The following LRMDA variants were observed in gnomAD, a reference collection of about 807,000 sequenced individuals.
LRMDA encodes the protein leucine rich melanocyte differentiation associated.
Under a neutral mutation model 29.8 loss-of-function variants are expected in LRMDA, and 18 were observed. The observed-to-expected ratio is 0.60, with a 90% CI of 0.42 to 0.90. LRMDA has a LOEUF of 0.90. LRMDA is among the 40% of genes least tolerant of loss of function. LRMDA has a pLI of 0.00. For synonymous variants in LRMDA, 125 were observed against 109.4 expected (o/e 1.14, Z -0.89); for missense variants, 273 against 273.9 (o/e 1.00, Z 0.02).
intron 5 of LRMDA, among the ~76,000 whole-genome samples, chr10:76,317,495 A>T (rs542449826): frequency 6.6e-6 from 1 of 152,294 alleles, no homozygotes; most frequent in South Asian, 2.1e-4. Flanking sequence ...AATTCTAAAT[A>T]TTGTAAATTA....
chr10:76,458,933 C>T lies in LRMDA; in HGVS notation c.602-98276C>T, dbSNP rs111717196. On this transcript the variant is annotated intron_variant, in intron 6 of 6. Transcript: ENST00000611255. The stretch of plus-strand genomic sequence containing the variant: ...TGAGACTTTGCAACCTTTCTCTCTT[C>T]TGATTGTGAATTCCAAGTGTCAAGA... Among the ~76,000 whole-genome samples the T allele has an allele frequency of 7.5e-3, 1,145 of 152,256 alleles. 10 individuals are homozygous for T. Among genetic ancestry groups the T allele is most frequent in the African/African-American group, 0.026 (1,092 of 41,524 alleles).
chr10:75,645,668 G>T (rs1449179514), intron 2 of LRMDA, among the ~76,000 whole-genome samples: 1 of 152,082 alleles, frequency 6.6e-6, no homozygotes, highest in Non-Finnish European at 1.5e-5. Context: ...GACGCAGGCG[G>T]GAAAGACCTA....
chr10:75,971,805 G>T (rs1239454681), intron 2 of LRMDA, among the ~76,000 whole-genome samples: 7 of 152,112 alleles, frequency 4.6e-5, no homozygotes, highest in African/African-American at 1.7e-4. Context: ...TTCTTCTCAT[G>T]GTTATAGTGA....
At chr10:75,948,142 A>G (rs1317941176) in intron 2 of LRMDA, among the ~76,000 whole-genome samples, 2 of 152,164 alleles carry the variant, frequency 1.3e-5, no homozygotes, top group African/African-American at 4.8e-5. Flanking sequence ...CCCACATTTA[A>G]TGGTTGGTGA....
At chr10:75,853,225 T>G (rs1211546547) in intron 2 of LRMDA, among the ~76,000 whole-genome samples, 2 of 152,126 alleles carry the variant, frequency 1.3e-5, no homozygotes, top group African/African-American at 4.8e-5. Flanking sequence ...TAAGGAAAAC[T>G]CATTCTTACT....
chr10:75,654,097 A>G (rs1373930609), intron 2 of LRMDA, among the ~76,000 whole-genome samples: 7 of 152,114 alleles, frequency 4.6e-5, no homozygotes, highest in Non-Finnish European at 1.0e-4. Flanking sequence ...TGGCGGAGGG[A>G]TGGGCTAATG....
intron 5 of LRMDA, among the ~76,000 whole-genome samples, chr10:76,320,124 C>T (rs758305260): frequency 5.3e-5 from 8 of 152,206 alleles, no homozygotes; most frequent in Non-Finnish European, 8.8e-5. Flanking sequence ...TCGCTTTGCA[C>T]GTCTGTTGTA....
chr10:75,866,716 G>A (rs977552066), intron 2 of LRMDA, among the ~76,000 whole-genome samples: 1 of 152,158 alleles, frequency 6.6e-6, no homozygotes, highest in Non-Finnish European at 1.5e-5. Context: ...AGACATTTGG[G>A]TATTTGCAAA....
chr10:76,504,166 A>G (rs931045528), intron 6 of LRMDA, among the ~76,000 whole-genome samples: 3 of 151,798 alleles, frequency 2.0e-5, no homozygotes, highest in African/African-American at 7.3e-5. Context: ...ATTGATTTCC[A>G]TTTTTATTAT....
At chr10:76,351,233 G>A (rs1841173037) in intron 6 of LRMDA, among the ~76,000 whole-genome samples, 1 of 152,146 alleles carries the variant, frequency 6.6e-6, no homozygotes, top group South Asian at 2.1e-4. Flanking sequence ...AGCCATACAT[G>A]GCTGCAGAGG....
intron 6 of LRMDA, among the ~76,000 whole-genome samples, chr10:76,325,876 T>G (rs1271446071): frequency 2.6e-5 from 4 of 152,194 alleles, no homozygotes; most frequent in African/African-American, 9.7e-5. Flanking sequence ...AATCTGAGAC[T>G]TGAAGAAAGG....
At chr10:75,608,645 A>G (rs1283214622) in intron 2 of LRMDA, among the ~76,000 whole-genome samples, 1 of 152,120 alleles carries the variant, frequency 6.6e-6, no homozygotes, top group South Asian at 2.1e-4. Flanking sequence ...AAAACCCAAG[A>G]GCCATACAAG....
At chr10:75,797,408 G>A (rs1843671281) in intron 2 of LRMDA, among the ~76,000 whole-genome samples, 1 of 151,944 alleles carries the variant, frequency 6.6e-6, no homozygotes, top group Admixed American at 6.5e-5. Flanking sequence ...GGTACAATTT[G>A]CATTACATAA....
intron 6 of LRMDA, among the ~76,000 whole-genome samples, chr10:76,447,886 T>C (rs1228844547): frequency 6.6e-6 from 1 of 152,214 alleles, no homozygotes; most frequent in Non-Finnish European, 1.5e-5. Context: ...TTTCAGTACT[T>C]TTCCAGTGTA....
intron 2 of LRMDA, among the ~76,000 whole-genome samples, chr10:75,562,599 T>G (rs573483667): frequency 0.013 from 1,927 of 152,260 alleles, 48 homozygotes; most frequent in African/African-American, 0.044. Context: ...TTTTGCTCGT[T>G]AGTTGATGCA....
At chr10:75,961,374 T>C (rs2132429261) in intron 2 of LRMDA, among the ~76,000 whole-genome samples, 1 of 152,376 alleles carries the variant, frequency 6.6e-6, no homozygotes, top group Admixed American at 6.5e-5. Flanking sequence ...AGGTGTTGTT[T>C]TGTTTTACTA....
intron 5 of LRMDA, among the ~76,000 whole-genome samples, chr10:76,185,779 A>T (rs1178928349): frequency 6.6e-6 from 1 of 152,198 alleles, no homozygotes; most frequent in Non-Finnish European, 1.5e-5. Flanking sequence ...TCTAAGTACA[A>T]ATATGCTCAA....
intron 2 of LRMDA, among the ~76,000 whole-genome samples, chr10:75,910,037 A>G (rs781605928): frequency 6.6e-6 from 1 of 152,302 alleles, no homozygotes; most frequent in Non-Finnish European, 1.5e-5. Flanking sequence ...AGGGACTGGA[A>G]TTTTTCTTCA....
rs141236920 is a variant in LRMDA at position 76,474,870 on chromosome 10, C to T, written c.602-82339C>T. ...CTCCTAGGTATATACCCAGGAGAGG[C>T]GAAAACATACATACACAAATGCAAA... On this transcript the variant is annotated intron_variant, in intron 6 of 6. Coordinates refer to ENST00000611255, the MANE Select transcript of LRMDA (RefSeq NM_001305581.2). Among the ~76,000 whole-genome samples, 149 of 151,512 alleles carry T rather than the reference C, an allele frequency of 9.8e-4. 1 individual carries two copies. Among genetic ancestry groups the T allele is most frequent in the African/African-American group, 3.5e-3 (143 of 41,426 alleles).
Sources: gnomAD v4.1 joint callset for allele counts (sites outside exome capture counted in the v4.1 genomes callset) on GRCh38, gnomAD v4.1.1 for gene constraint, MANE v1.5 for transcripts, NCBI Gene and HGNC (gene_info 2026-07-23, HGNC 2026-07-21) for gene names.